Variants in HMCN1 observed in about 807,000 individuals in gnomAD.
The protein encoded by HMCN1 is hemicentin-1.
HMCN1 carries 321 observed loss-of-function variants against 625.9 expected under a neutral mutation model. The ratio of observed to expected loss-of-function variants is 0.51; its 90% confidence interval spans 0.47 to 0.56. The LOEUF is 0.56. Among genes scored for constraint, HMCN1 ranks in the 20% least tolerant of loss-of-function variants. The pLI, the probability that HMCN1 is intolerant of heterozygous loss-of-function variation, is 0.00. For synonymous variants in HMCN1, 2,425 were observed against 2,417.6 expected (o/e 1.00, Z -0.09); for missense variants, 6,588 against 6,887.3 (o/e 0.96, Z 1.54).
chr1:185,857,064 A>C (rs1272740961), intron 2 of HMCN1, among the ~76,000 whole-genome samples: 3 of 152,330 alleles, frequency 2.0e-5, no homozygotes, highest in Non-Finnish European at 4.4e-5. Context: ...TACTCCCTTG[A>C]ATGATAAGAT....
chr1:185,926,170 T>C (rs1667267567), intron 9 of HMCN1, among the ~76,000 whole-genome samples: 1 of 152,238 alleles, frequency 6.6e-6, no homozygotes. Context: ...GGAAAATCTC[T>C]GGGAATTATT....
chr1:185,962,239 G>A (rs1392256527), intron 11 of HMCN1, among the ~76,000 whole-genome samples: 1 of 152,140 alleles, frequency 6.6e-6, no homozygotes, highest in African/African-American at 2.4e-5. Context: ...TAAACTGTAG[G>A]TCAGCTGGTG....
rs958290029 is a variant in HMCN1, at chr1:186,190,297, C to CTAAG, written c.*422_*425dup. ...ATTTTTAGAATCATAAAATTAGTTA[C>CTAAG]TAAGTATTTTGATCAAAGCTTATAA... On this transcript the variant is annotated 3_prime_UTR_variant, in exon 107 of 107. Transcript: ENST00000271588. 4 of 222,012 alleles carry CTAAG rather than the reference C, an allele frequency of 1.8e-5. No individual in the cohort carries two copies. The highest frequency in any genetic ancestry group is 1.4e-4 in the East Asian group (2 of 13,998). 13.8% of individuals were successfully genotyped at this position (222,012 alleles called of 1,614,324 possible).
intron 28 of HMCN1, 69 bp downstream of exon 28, chr1:186,001,810 A>G: frequency 8.0e-7 from 1 of 1,243,088 alleles, no homozygotes; most frequent in Non-Finnish European, 1.2e-6. Context: ...AGCTGACTAT[A>G]TGAAAAAGTA....
chr1:186,178,422 A>G lies in HMCN1; in HGVS notation c.15950A>G (p.Asn5317Ser). ...TATCATGGCATACGAGCAGACATTA[A>G]TGAATGTGAACAAGTGCCTAAACCT... ...QGVGRPCMDI[N>S]ECEQVPKPCA... is the part of the protein sequence containing the mutation. Residue 5317 changes from asparagine (N) to serine (S), a missense_variant, in exon 104 of 107, where the codon AAT becomes AGT. Asn to Ser is a conservative substitution (Grantham distance 46). Transcript: ENST00000271588. 1.2e-6 allele frequency: 2 copies of G among 1,612,942 alleles called. No homozygotes were observed. Among genetic ancestry groups the G allele is most frequent in the Non-Finnish European group, 1.7e-6 (2 of 1,178,954 alleles).
At chr1:186,086,480 A>G in intron 58 of HMCN1, 73 bp downstream of exon 58, 1 of 1,469,954 alleles carries the variant, frequency 6.8e-7, no homozygotes, top group Non-Finnish European at 9.4e-7. Flanking sequence ...ATTTCAAATT[A>G]GTGTATTTCC....
At chr1:185,809,899 C>A (rs1010834878) in intron 1 of HMCN1, among the ~76,000 whole-genome samples, 5 of 151,940 alleles carry the variant, frequency 3.3e-5, no homozygotes, top group African/African-American at 1.2e-4. Context: ...TTTAGGTCAT[C>A]CTTTTAGTAC....
intron 24 of HMCN1, 82 bp from the exon 25 acceptor site, chr1:185,997,347 A>G: frequency 1.2e-6 from 1 of 819,462 alleles, no homozygotes; most frequent in Non-Finnish European, 2.1e-6. Context: ...GCAACTCATC[A>G]GTGCAGGTAG....
intron 4 of HMCN1, among the ~76,000 whole-genome samples, chr1:185,902,413 A>ATC (rs1452987915): frequency 1.5e-3 from 186 of 127,880 alleles, no homozygotes; most frequent in African/African-American, 7.8e-3. Context: ...ATCTCTATCT[A>ATC]TCTATCTATC....
At chr1:185,827,164 T>C (rs1571410275) in intron 1 of HMCN1, among the ~76,000 whole-genome samples, 1 of 113,372 alleles carries the variant, frequency 8.8e-6, no homozygotes, top group African/African-American at 3.6e-5. Flanking sequence ...AGAGCAAGAC[T>C]CCATCTCAAA....
intron 93 of HMCN1, among the ~76,000 whole-genome samples, chr1:186,147,756 GCA>G (rs1650410462): frequency 1.3e-5 from 2 of 151,924 alleles, no homozygotes; most frequent in African/African-American, 4.8e-5. Flanking sequence ...AAAAAACAAT[GCA>G]CATACTTTAA....
chr1:186,088,301 T>G (rs760526473), intron 62 of HMCN1, 25 bp downstream of exon 62: 1 of 1,611,936 alleles, frequency 6.2e-7, no homozygotes, highest in South Asian at 1.1e-5. Flanking sequence ...CATTTTTGTG[T>G]GTGTGTGTGT....
intron 16 of HMCN1, among the ~76,000 whole-genome samples, chr1:185,980,603 AGAGCACCACCATTGATG>A (rs1651553045): frequency 6.6e-6 from 1 of 151,342 alleles, no homozygotes. Flanking sequence ...GTGGTGGTGC[AGAGCACCACCATTGATG>A]GTGCAGCTTT....
intron 69 of HMCN1, among the ~76,000 whole-genome samples, chr1:186,106,428 C>T (rs1317975879): frequency 2.6e-5 from 4 of 152,136 alleles, no homozygotes; most frequent in Non-Finnish European, 4.4e-5. Context: ...AATGTAGAGT[C>T]AAGATGAGAT....
At chr1:185,823,896 T>A (rs1660350541) in intron 1 of HMCN1, among the ~76,000 whole-genome samples, 2 of 152,216 alleles carry the variant, frequency 1.3e-5, no homozygotes, top group South Asian at 4.1e-4. Context: ...GCTTTTCTAA[T>A]GTGCGACTAT....
Position 186,182,212 on chromosome 1 carries a change from A to G in HMCN1, c.16339A>G (p.Lys5447Glu), listed in dbSNP as rs1441658421. The G allele has an allele frequency of 2.4e-5, 38 of 1,613,396 alleles. No homozygotes were observed. Among genetic ancestry groups the G allele is most frequent in the Non-Finnish European group, 2.8e-5 (33 of 1,179,498 alleles). ...TACAGATGCCTGCCAGCATGAGTGT[A>G]AGAATACCTTTGGAAGTTATCAGTG... The part of the protein sequence containing the change: ...ENTDACQHEC[K>E]NTFGSYQCIC... Residue 5447 changes from lysine to glutamate, a missense_variant, in exon 105 of 107, where the codon AAG (lysine) becomes GAG (glutamate). Around this residue, in one of 3 missense-constraint regions of HMCN1, gnomAD observed 1,954 missense variants for 2,013.1 expected, o/e 0.97. Transcript: ENST00000271588.
chr1:185,868,208 C>A (rs559597223), intron 4 of HMCN1, among the ~76,000 whole-genome samples: 9 of 152,078 alleles, frequency 5.9e-5, no homozygotes, highest in Non-Finnish European at 2.9e-5. Context: ...CCATTTATAT[C>A]CACATACCCA....
chr1:185,838,871 GTT>G (rs1307842778), intron 1 of HMCN1, among the ~76,000 whole-genome samples: 2 of 152,142 alleles, frequency 1.3e-5, no homozygotes, highest in Non-Finnish European at 1.5e-5. Context: ...TATACTGCCT[GTT>G]TGTTGAATGA....
intron 1 of HMCN1, among the ~76,000 whole-genome samples, chr1:185,776,284 A>G (rs2102158727): frequency 6.6e-6 from 1 of 152,174 alleles, no homozygotes; most frequent in South Asian, 2.1e-4. Flanking sequence ...GTCTTTCTGC[A>G]TTTTAATTAG....
Sources: allele counts gnomAD v4.1 joint callset (sites outside exome capture counted in the v4.1 genomes callset), GRCh38; gene constraint gnomAD v4.1.1; regional missense constraint gnomAD v4.1.1; transcripts MANE v1.5; gene names NCBI Gene and HGNC (gene_info 2026-07-23, HGNC 2026-07-21).